The following NALCN variants were observed in gnomAD, a reference collection of about 807,000 sequenced individuals.
NALCN encodes the protein sodium leak channel NALCN.
In NALCN, 111 loss-of-function variants were observed where a neutral mutation model predicts 225.3. The ratio of observed to expected loss-of-function variants is 0.49; its 90% CI spans 0.42 to 0.58. The LOEUF is 0.58. Among genes scored for constraint, NALCN ranks in the 20% least tolerant of loss-of-function variants. The probability of loss-of-function intolerance (pLI) is 0.00; values close to 1 mark genes in which losing one functional copy is unlikely to be tolerated. For synonymous variants in NALCN, 764 were observed against 769.0 expected, an observed-to-expected ratio of 0.99 and a Z score of 0.11; for missense variants, 1,378 against 2,202.4, an observed-to-expected ratio of 0.63 and a Z score of 7.49.
At chr13:101,129,705 A>G (rs1308384302) in intron 17 of NALCN, among the ~76,000 whole-genome samples, 2 of 121,180 alleles carry the variant, frequency 1.7e-5, no homozygotes, top group Admixed American at 2.0e-4. Context: ...ATTTAAATTC[A>G]TGACCCAGGA....
At chr13:101,198,699 C>A (rs1022325070) in intron 13 of NALCN, among the ~76,000 whole-genome samples, 4 of 152,102 alleles carry the variant, frequency 2.6e-5, no homozygotes, top group African/African-American at 9.7e-5. Flanking sequence ...GGTGGGACTG[C>A]AAACTAGTTC....
intron 9 of NALCN, among the ~76,000 whole-genome samples, chr13:101,285,157 C>T (rs1204525800): frequency 2.0e-5 from 3 of 152,122 alleles, no homozygotes; most frequent in Non-Finnish European, 2.9e-5. Flanking sequence ...GATCCCATTA[C>T]CTAGGATTTG....
intron 7 of NALCN, among the ~76,000 whole-genome samples, chr13:101,318,621 G>A (rs2044639207): frequency 6.6e-6 from 1 of 152,136 alleles, no homozygotes; most frequent in Non-Finnish European, 1.5e-5. Context: ...TCCCAGATAT[G>A]TGTACTTCAT....
chr13:101,342,221 GA>G (rs1364360447), intron 7 of NALCN, among the ~76,000 whole-genome samples: 2 of 152,172 alleles, frequency 1.3e-5, no homozygotes, highest in African/African-American at 4.8e-5. Flanking sequence ...ATCACCTGGA[GA>G]GCCTTTAAAA....
chr13:101,400,871 A>G (rs1436656136), intron 1 of NALCN, among the ~76,000 whole-genome samples: 1 of 151,986 alleles, frequency 6.6e-6, no homozygotes, highest in African/African-American at 2.4e-5. Context: ...TGTTCTCATG[A>G]TAGGGAGTGA....
At chr13:101,387,227 C>CAAAAAAA (rs747159185) in intron 3 of NALCN, among the ~76,000 whole-genome samples, 5 of 29,042 alleles carry the variant, frequency 1.7e-4, no homozygotes, top group African/African-American at 5.0e-4. Flanking sequence ...GACTCCGTCT[C>CAAAAAAA]AAAAAAAAAA....
At chr13:101,287,907 G>A (rs1183217420) in intron 9 of NALCN, among the ~76,000 whole-genome samples, 2 of 152,160 alleles carry the variant, frequency 1.3e-5, no homozygotes, top group Non-Finnish European at 2.9e-5. Context: ...TCTTGGTAAT[G>A]GAGAATCACT....
intron 7 of NALCN, 140 bp downstream of exon 7, chr13:101,345,126 G>T (rs1431665206): frequency 3.6e-6 from 3 of 835,322 alleles, no homozygotes; most frequent in East Asian, 5.4e-5. Context: ...TATAAAATAG[G>T]CATAGAATTA....
chr13:101,146,008 G>A (rs964892604), intron 15 of NALCN, among the ~76,000 whole-genome samples: 1 of 152,170 alleles, frequency 6.6e-6, no homozygotes, highest in Non-Finnish European at 1.5e-5. Context: ...AGATGGCAAT[G>A]CATCCCTCCT....
chr13:101,187,435 G>A (rs1302222146), intron 14 of NALCN, among the ~76,000 whole-genome samples: 2 of 152,082 alleles, frequency 1.3e-5, no homozygotes, highest in Non-Finnish European at 2.9e-5. Context: ...TATATAGAAT[G>A]TCAAAAGACA....
intron 11 of NALCN, among the ~76,000 whole-genome samples, chr13:101,245,748 C>T (rs2041875850): frequency 6.6e-6 from 1 of 152,100 alleles, no homozygotes; most frequent in African/African-American, 2.4e-5. Flanking sequence ...AAGAAAAACC[C>T]TAACTTTCCA....
At chr13:101,305,598 T>C (rs977425879) in intron 7 of NALCN, among the ~76,000 whole-genome samples, 2 of 152,234 alleles carry the variant, frequency 1.3e-5, no homozygotes, top group African/African-American at 4.8e-5. Flanking sequence ...TTTAATCTTA[T>C]TTGCACGACA....
chr13:101,312,935 T>C (rs2044404016), intron 7 of NALCN, among the ~76,000 whole-genome samples: 2 of 152,142 alleles, frequency 1.3e-5, no homozygotes, highest in South Asian at 2.1e-4. Context: ...CAAACTATAC[T>C]ACAAGGCTAC....
rs1445745338 is a variant in NALCN at position 101,065,539 on chromosome 13, A to C, written c.4469T>G (p.Val1490Gly). 2.5e-6 allele frequency: 4 copies of C among 1,613,918 alleles called. No individual in the cohort carries two copies. In the East Asian group the frequency reaches 6.7e-5, roughly 27 times the overall value. The change falls in exon 40 of 44, where the codon GTC (valine) becomes GGC (glycine). Residue 1490 changes from valine (V) to glycine (G), a missense_variant. Coordinates refer to ENST00000251127, the MANE Select transcript of NALCN (RefSeq NM_052867.4). ...ACGCAGTAGCCGCAGCAGGAACTTG[A>C]CGCGGAACGTGGGGATCACCCCCTG... ...KREGVIPTFR[V>G]KFLLRLLRGR...
chr13:101,188,526 G>A (rs1489912697), intron 14 of NALCN, among the ~76,000 whole-genome samples: 1 of 151,478 alleles, frequency 6.6e-6, no homozygotes, highest in Non-Finnish European at 1.5e-5. Context: ...TATTTAGATG[G>A]TAACCTTAAG....
chr13:101,181,714 G>A (rs1409319973), intron 14 of NALCN, among the ~76,000 whole-genome samples: 7 of 151,668 alleles, frequency 4.6e-5, no homozygotes, highest in African/African-American at 1.5e-4. Flanking sequence ...TGCACTCTAG[G>A]CCTGGATGGC....
rs368583240 is a variant in NALCN at position 101,062,138 on chromosome 13, T to C, written c.4605-20A>G. 126 of 1,612,692 alleles carry C rather than the reference T, an allele frequency of 7.8e-5. No individual in the cohort carries two copies. Among genetic ancestry groups the C allele is most frequent in the Non-Finnish European group, 9.5e-5 (112 of 1,179,368 alleles). On this transcript the variant is annotated intron_variant, in intron 40 of 43. Transcript: ENST00000251127. ...AGCATGCTGGTGGGAGAAACACACC[T>C]GCAATCGCAGCTCTGATTCACCTGA...
chr13:101,258,072 C>A lies in NALCN; in HGVS notation c.1266+371G>T, dbSNP rs113708903. 4.8e-4 allele frequency among the ~76,000 whole-genome samples: 73 copies of A among 152,206 alleles called. 2 individuals carry two copies. The highest frequency in any genetic ancestry group is 1.7e-3 in the African/African-American group (70 of 41,522). ...CCTCTTCTACGTATTGCTGAGCTGA[C>A]CAGCTTATTTATGATCTTCTGAATC... On this transcript the variant is annotated intron_variant, in intron 11 of 43. Coordinates refer to ENST00000251127, the MANE Select transcript of NALCN (RefSeq NM_052867.4).
chr13:101,367,742 G>T (rs915883475), intron 6 of NALCN, among the ~76,000 whole-genome samples: 1 of 151,994 alleles, frequency 6.6e-6, no homozygotes, highest in Non-Finnish European at 1.5e-5. Context: ...TGATTTAAAA[G>T]GTGAGATCAT....
Sources: gnomAD v4.1 joint callset for allele counts (sites outside exome capture counted in the v4.1 genomes callset) on GRCh38, gnomAD v4.1.1 for gene constraint, MANE v1.5 for transcripts, NCBI Gene and HGNC (gene_info 2026-07-23, HGNC 2026-07-21) for gene names.